Variants in DYNC2H1 observed in about 807,000 individuals in gnomAD.
DYNC2H1 encodes dynein cytoplasmic 2 heavy chain 1.
In DYNC2H1, 410 loss-of-function variants were observed where a neutral mutation model predicts 570.0. The observed-to-expected ratio is 0.72, with a 90% CI of 0.66 to 0.78. The LOEUF is 0.78. Among genes scored for constraint, DYNC2H1 ranks in the 30% least tolerant of loss-of-function variants. The pLI is 0.00. For synonymous variants in DYNC2H1, 1,688 were observed against 1,677.6 expected (o/e 1.01, Z -0.15); for missense variants, 4,865 against 5,046.4 (o/e 0.96, Z 1.09).
chr11:103,449,405 T>C (rs1024291518), intron 85 of DYNC2H1, among the ~76,000 whole-genome samples: 1 of 152,212 alleles, frequency 6.6e-6, no homozygotes, highest in Non-Finnish European at 1.5e-5. Flanking sequence ...TATTTGTGCT[T>C]GCCTTTGGAT....
At chr11:103,450,855 C>A (rs1944574940) in intron 85 of DYNC2H1, among the ~76,000 whole-genome samples, 1 of 152,084 alleles carries the variant, frequency 6.6e-6, no homozygotes, top group Non-Finnish European at 1.5e-5. Context: ...GCTAGACAGA[C>A]CCACTGGAAT....
At chr11:103,452,853 C>T (rs1020424868) in intron 85 of DYNC2H1, among the ~76,000 whole-genome samples, 2 of 151,920 alleles carry the variant, frequency 1.3e-5, no homozygotes, top group Admixed American at 6.6e-5. Context: ...AATTTGAATT[C>T]GTAAATCCTA....
intron 84 of DYNC2H1, chr11:103,404,717 G>A (rs1942787562): frequency 1.3e-5 from 2 of 151,596 alleles, no homozygotes; most frequent in Admixed American, 6.6e-5. Context: ...AGGATGTAGT[G>A]GAAATGGGCT....
At chr11:103,455,334 G>C in intron 86 of DYNC2H1, 39 bp downstream of exon 86, 1 of 1,567,550 alleles carries the variant, frequency 6.4e-7, no homozygotes, top group Non-Finnish European at 8.8e-7. Flanking sequence ...TGTCCCTGAC[G>C]GTAATTAGTT....
At position 103,114,189 on chromosome 11, in the gene DYNC2H1, A is replaced by G; in HGVS notation, c.453A>G (p.Arg151=). The part of the protein sequence containing the change: ...LEAGLGIVLR[R]SDTNLTKLKF... ...CTGGGTTGGGTATAGTTCTACGAAG[A>G]TCAGACACTAACTTAACAAAATTGA... is the stretch of plus-strand genomic sequence containing the variant. Residue 151 remains arginine (R), a synonymous_variant, in exon 3 of 89, where the codon AGA becomes AGG. Coordinates refer to ENST00000375735, the MANE Select transcript of DYNC2H1 (RefSeq NM_001377.3). 1 of 1,602,780 alleles carries G rather than the reference A, an allele frequency of 6.2e-7. No homozygotes were observed. The highest frequency in any genetic ancestry group is 8.5e-7 in the Non-Finnish European group (1 of 1,173,850).
At chr11:103,392,714 T>C (rs1942214976) in intron 83 of DYNC2H1, among the ~76,000 whole-genome samples, 1 of 149,290 alleles carries the variant, frequency 6.7e-6, no homozygotes, top group Non-Finnish European at 1.5e-5. Flanking sequence ...CATCATTTGA[T>C]TTTTAGGGGG....
chr11:103,348,558 G>A (rs370086652), intron 82 of DYNC2H1, among the ~76,000 whole-genome samples: 19 of 152,056 alleles, frequency 1.2e-4, no homozygotes, highest in East Asian at 3.9e-4. Flanking sequence ...TTAAGTGTTC[G>A]GTTTTCTTTA....
intron 62 of DYNC2H1, 42 bp from the exon 63 acceptor site, chr11:103,236,388 C>A: frequency 1.7e-6 from 2 of 1,153,432 alleles, no homozygotes; most frequent in Non-Finnish European, 2.6e-6. Context: ...TCATCAAGTA[C>A]AAGATCGTTG....
intron 59 of DYNC2H1, among the ~76,000 whole-genome samples, chr11:103,229,706 A>C (rs1863933988): frequency 6.6e-6 from 1 of 152,054 alleles, no homozygotes; most frequent in Admixed American, 6.6e-5. Flanking sequence ...GTATTCTTTT[A>C]TTATGAATTC....
At chr11:103,294,947 C>T (rs559147915) in intron 75 of DYNC2H1, among the ~76,000 whole-genome samples, 1 of 152,306 alleles carries the variant, frequency 6.6e-6, no homozygotes, top group Non-Finnish European at 1.5e-5. Context: ...CTGTACTCTT[C>T]TCTTGCCTTC....
At chr11:103,383,480 T>TTA (rs66848272) in intron 83 of DYNC2H1, among the ~76,000 whole-genome samples, 8 of 18,910 alleles carry the variant, frequency 4.2e-4, no homozygotes, top group Admixed American at 7.8e-4. Context: ...AAATCTTTAT[T>TTA]TTTTTTTTTT....
At position 103,256,308 on chromosome 11, in the gene DYNC2H1, A is replaced by G. The variant is rs1017619991; in HGVS notation, c.10461+68A>G. On this transcript the variant is annotated intron_variant, in intron 68 of 88. Coordinates refer to ENST00000375735, the MANE Select transcript of DYNC2H1 (RefSeq NM_001377.3). The surrounding 1 kb of genome is among the most constrained non-coding windows in gnomAD (Gnocchi z 4.0). ...AACATTTAGGTTAATATGATAGAAA[A>G]TGTAGAATCAGGTCCTCAGGGGAAA... is the stretch of plus-strand genomic sequence containing the variant. 2.1e-6 allele frequency: 3 copies of G among 1,450,098 alleles called. No individual in the cohort carries two copies. Among genetic ancestry groups the G allele is most frequent in the East Asian group, 4.8e-5 (2 of 42,090 alleles). 89.8% of individuals were successfully genotyped at this position (1,450,098 alleles called of 1,614,324 possible).
intron 78 of DYNC2H1, 28 bp downstream of exon 78, chr11:103,307,859 A>G (rs1867370874): frequency 1.5e-6 from 2 of 1,372,960 alleles, no homozygotes; most frequent in African/African-American, 1.4e-5. Flanking sequence ...TTGGATCACC[A>G]GTTGTATGAA....
intron 84 of DYNC2H1, among the ~76,000 whole-genome samples, chr11:103,425,725 A>T (rs2135727308): frequency 9.3e-6 from 1 of 107,608 alleles, no homozygotes; most frequent in South Asian, 3.8e-4. Context: ...TAAAATTTTA[A>T]GACTTGGCTC....
intron 11 of DYNC2H1, 42 bp from the exon 12 acceptor site, chr11:103,125,058 T>G: frequency 4.7e-6 from 7 of 1,477,550 alleles, no homozygotes; most frequent in Non-Finnish European, 6.5e-6. Context: ...GTCAAAACAG[T>G]GAGAACATGA....
At chr11:103,402,024 G>A in intron 84 of DYNC2H1, 1 of 152,088 alleles carries the variant, frequency 6.6e-6, no homozygotes, top group South Asian at 2.1e-4. Context: ...ACCCATCAGA[G>A]ATAATGAAGG....
intron 82 of DYNC2H1, among the ~76,000 whole-genome samples, chr11:103,327,951 CCTTAT>C (rs1380015422): frequency 6.6e-6 from 1 of 152,130 alleles, no homozygotes; most frequent in Non-Finnish European, 1.5e-5. Flanking sequence ...AACATTCCAC[CCTTAT>C]CTTAACTACG....
intron 81 of DYNC2H1, among the ~76,000 whole-genome samples, chr11:103,323,560 T>G (rs1938324175): frequency 6.6e-6 from 1 of 151,956 alleles, no homozygotes; most frequent in Admixed American, 6.6e-5. Context: ...GGAAAAAAAT[T>G]ACAGAGCTAT....
chr11:103,458,494 G>A (rs759312183), intron 87 of DYNC2H1, among the ~76,000 whole-genome samples: 34 of 151,946 alleles, frequency 2.2e-4, no homozygotes, highest in Non-Finnish European at 3.2e-4. Context: ...CTTTGTTCCC[G>A]AGCATTTCAG....
Sources: gnomAD v4.1 joint callset for allele counts (sites outside exome capture counted in the v4.1 genomes callset) on GRCh38, gnomAD v4.1.1 for gene constraint, Gnocchi (gnomAD v3.1) non-coding constraint, MANE v1.5 for transcripts, NCBI Gene and HGNC (gene_info 2026-07-23, HGNC 2026-07-21) for gene names.